Variants in HIF1AN observed in about 807,000 individuals in gnomAD.
The protein encoded by HIF1AN is hypoxia inducible factor 1 subunit alpha inhibitor.
HIF1AN carries 21 observed loss-of-function variants against 47.7 expected under a neutral mutation model. The observed-to-expected ratio is 0.44, with a 90% CI of 0.31 to 0.63. HIF1AN has a LOEUF of 0.63. Among genes scored for constraint, HIF1AN ranks in the 30% least tolerant of loss-of-function variants. HIF1AN has a pLI of 0.07. For missense variants in HIF1AN, 320 were observed against 432.7 expected, an observed-to-expected ratio of 0.74 and a Z score of 2.31; for synonymous variants, 152 against 155.9, an observed-to-expected ratio of 0.98 and a Z score of 0.18.
chr10:100,542,124 T>TA (rs1196803260), intron 3 of HIF1AN, among the ~76,000 whole-genome samples: 2 of 151,636 alleles, frequency 1.3e-5, no homozygotes, highest in Admixed American at 1.3e-4. Flanking sequence ...GGAATTTTTT[T>TA]ATTGCCAAAA....
In HIF1AN at chr10:100,549,758, T is replaced by C. The variant is rs1022255583; in HGVS notation, c.*1621T>C. The C allele has an allele frequency of 4.0e-5, 6 of 151,658 alleles. No individual in the cohort carries two copies. Among genetic ancestry groups the C allele is most frequent in the Admixed American group, 1.3e-4 (2 of 15,238 alleles). The allele number at this position is 151,658 out of a possible 1,614,324, so 9.4% of individuals were successfully genotyped here. A position where few individuals can be genotyped will look rare whatever the true frequency, so the allele number is the denominator to read the frequency against. On this transcript the variant is annotated 3_prime_UTR_variant, in exon 8 of 8. Transcript: ENST00000299163. ...AAGGTCTCTGGTTTTCTTTTCTTTT[T>C]TTTTTTTTTTGCCAAAGGTTTACTT...
At position 100,551,808 on chromosome 10, in the gene HIF1AN, A is replaced by G. The variant is rs116828611; in HGVS notation, c.*3671A>G. 7.9e-4 allele frequency: 120 copies of G among 152,290 alleles called. No homozygotes were observed. The highest frequency in any genetic ancestry group is 2.8e-3 in the African/African-American group (115 of 41,542). 9.4% of individuals were successfully genotyped at this position (152,290 alleles called of 1,614,324 possible). ...GTTGGGGAAGAAATTACATGAAGCA[A>G]CCAGAGGTTATAAGGCCACACTTGT... On this transcript the variant is annotated 3_prime_UTR_variant, in exon 8 of 8. Transcript: ENST00000299163.
chr10:100,537,119 G>T (rs2133720461), intron 2 of HIF1AN, among the ~76,000 whole-genome samples: 1 of 152,252 alleles, frequency 6.6e-6, no homozygotes, highest in South Asian at 2.1e-4. Context: ...CTTGAGTCCA[G>T]GAGTTCAAGA....
intron 6 of HIF1AN, 92 bp from the exon 7 acceptor site, chr10:100,547,048 G>A: frequency 2.1e-6 from 2 of 942,344 alleles, no homozygotes; most frequent in Non-Finnish European, 1.6e-6. Context: ...CAAGAATTGG[G>A]TTTCTTAGAA....
intron 3 of HIF1AN, among the ~76,000 whole-genome samples, chr10:100,542,132 A>G (rs1843039979): frequency 2.0e-5 from 3 of 147,744 alleles, no homozygotes; most frequent in Non-Finnish European, 4.5e-5. Context: ...TTTATTGCCA[A>G]AAAAAAAAAA....
At position 100,555,165 on chromosome 10, in the gene HIF1AN, C is replaced by G. The variant is rs1843204759; in HGVS notation, c.*7028C>G. On this transcript the variant is annotated 3_prime_UTR_variant, in exon 8 of 8. Coordinates refer to ENST00000299163, the MANE Select transcript of HIF1AN (RefSeq NM_017902.3). ...CCAGTCCAGCAGTCCAAAACAAACA[C>G]TGCTTCCCAATGCCTAAGGGTTTTG... 6.6e-6 allele frequency: 1 copy of G among 152,268 alleles called. No individual in the cohort carries two copies. Among genetic ancestry groups the G allele is most frequent in the Non-Finnish European group, 1.5e-5 (1 of 68,058 alleles). The allele number at this position is 152,268 out of a possible 1,614,324, so 9.4% of individuals were successfully genotyped here. A position where few individuals can be genotyped will look rare whatever the true frequency, so the allele number is the denominator to read the frequency against.
rs1298298491 is a variant in HIF1AN, at chr10:100,536,351, A to G, written c.178-60A>G. 4 of 1,592,476 alleles carry G rather than the reference A, an allele frequency of 2.5e-6. No individual in the cohort carries two copies. The Admixed American group carries it at 6.8e-5, about 27-fold the overall frequency. On this transcript the variant is annotated intron_variant, in intron 1 of 7. Coordinates refer to ENST00000299163, the MANE Select transcript of HIF1AN (RefSeq NM_017902.3). ...AGAAGTAGTTGGGATCATGGAGGCC[A>G]ACCCACCGGCTCCTTGGCATTACTT...
chr10:100,551,081 A>G lies in HIF1AN; in HGVS notation c.*2944A>G, dbSNP rs993771119. The G allele has an allele frequency of 2.6e-5, 4 of 152,180 alleles. No individual in the cohort carries two copies. Among genetic ancestry groups the G allele is most frequent in the African/African-American group, 9.7e-5 (4 of 41,428 alleles). The allele number at this position is 152,180 out of a possible 1,614,324, so 9.4% of individuals were successfully genotyped here. Reference sequence around the variant, plus strand: ...TCTATTCACACCAGCAGGTACAGAGAAAACTAGTGTTTTGTAAAGTCAAAT... The same window carrying G: ...TCTATTCACACCAGCAGGTACAGAGGAAACTAGTGTTTTGTAAAGTCAAAT... On this transcript the variant is annotated 3_prime_UTR_variant, in exon 8 of 8. Transcript: ENST00000299163.
chr10:100,552,487 AC>A lies in HIF1AN; in HGVS notation c.*4351del, dbSNP rs1347452182. 1.3e-5 allele frequency: 2 copies of A among 151,990 alleles called. No homozygotes were observed. Among genetic ancestry groups the A allele is most frequent in the African/African-American group, 4.8e-5 (2 of 41,248 alleles). 9.4% of individuals were successfully genotyped at this position (151,990 alleles called of 1,614,324 possible). On this transcript the variant is annotated 3_prime_UTR_variant, in exon 8 of 8. Coordinates refer to ENST00000299163, the MANE Select transcript of HIF1AN (RefSeq NM_017902.3). ...AGTCTGGCCTTTCAGCTGGTGTCTT[AC>A]TCCCCTTTGAGACCTTCAGCTGCTT...
chr10:100,559,735 A>C lies in HIF1AN; in HGVS notation c.*11598A>C, dbSNP rs915633384. Reference sequence around the variant, plus strand: ...CTGGCCTTGAATATATTTTTTAACCAAAGTAATTTATGAATATAAATTGTT... The same window carrying C: ...CTGGCCTTGAATATATTTTTTAACCCAAGTAATTTATGAATATAAATTGTT... On this transcript the variant is annotated 3_prime_UTR_variant, in exon 8 of 8. Coordinates refer to ENST00000299163, the MANE Select transcript of HIF1AN (RefSeq NM_017902.3). 6.6e-6 allele frequency: 1 copy of C among 152,170 alleles called. No individual in the cohort carries two copies. The highest frequency in any genetic ancestry group is 1.5e-5 in the Non-Finnish European group (1 of 68,028). The allele number at this position is 152,170 out of a possible 1,614,324, so 9.4% of individuals were successfully genotyped here.
rs1292834163 is a variant in HIF1AN at position 100,555,585 on chromosome 10, C to G, written c.*7448C>G. ...TACTCAGATCCTCTTGCCTCAGACC[C>G]TGGTCCCTAGCTTTGTGGGTGAAGA... On this transcript the variant is annotated 3_prime_UTR_variant, in exon 8 of 8. Transcript: ENST00000299163. 1.3e-5 allele frequency: 2 copies of G among 152,294 alleles called. No individual in the cohort carries two copies. The highest frequency in any genetic ancestry group is 2.9e-5 in the Non-Finnish European group (2 of 68,108). The allele number at this position is 152,294 out of a possible 1,614,324, so 9.4% of individuals were successfully genotyped here. A position where few individuals can be genotyped will look rare whatever the true frequency, so the allele number is the denominator to read the frequency against.
At chr10:100,541,138 GA>G (rs1308017338) in intron 3 of HIF1AN, among the ~76,000 whole-genome samples, 1 of 152,188 alleles carries the variant, frequency 6.6e-6, no homozygotes, top group Non-Finnish European at 1.5e-5. Context: ...GGAATTGCTT[GA>G]ACCCAGGCGG....
intron 3 of HIF1AN, among the ~76,000 whole-genome samples, 181 bp from the exon 4 acceptor site, chr10:100,544,770 A>G (rs1288114253): frequency 1.3e-5 from 2 of 152,196 alleles, no homozygotes; most frequent in Non-Finnish European, 1.5e-5. Context: ...TTATTACCAT[A>G]CAAGCTTAAC....
chr10:100,538,311 C>T (rs1280483917), intron 2 of HIF1AN, among the ~76,000 whole-genome samples: 4 of 152,074 alleles, frequency 2.6e-5, no homozygotes, highest in African/African-American at 7.2e-5. Flanking sequence ...CAGGTTGTGG[C>T]GACTATGGGG....
At chr10:100,536,358 C>A in intron 1 of HIF1AN, 53 bp from the exon 2 acceptor site, 3 of 1,596,458 alleles carry the variant, frequency 1.9e-6, no homozygotes, top group Non-Finnish European at 2.6e-6. Flanking sequence ...GCCAACCCAC[C>A]GGCTCCTTGG....
Position 100,545,028 on chromosome 10 carries a change from T to C in HIF1AN, c.655T>C (p.Phe219Leu). The change falls in exon 4 of 8, where the codon TTC (phenylalanine) becomes CTC (leucine). Residue 219 changes from phenylalanine to leucine, a missense_variant. This residue lies in a region of HIF1AN where 161 missense variants were observed against 272.8 expected (regional missense o/e 0.59). Coordinates refer to ENST00000299163, the MANE Select transcript of HIF1AN (RefSeq NM_017902.3). ...AAAAGGTTACAAACGATGCATCTTA[T>C]TCCCTCCGGATCAGTTCGAGTGCCT... ...QIKGYKRCIL[F>L]PPDQFECLYP... is the part of the protein sequence containing the mutation. 1.9e-6 allele frequency: 3 copies of C among 1,613,550 alleles called. No homozygotes were observed. The highest frequency in any genetic ancestry group is 2.5e-6 in the Non-Finnish European group (3 of 1,179,478).
chr10:100,536,138 G>T lies in HIF1AN; in HGVS notation c.177+3G>T. 2 of 1,588,394 alleles carry T rather than the reference G, an allele frequency of 1.3e-6. No individual in the cohort carries two copies. Among genetic ancestry groups the T allele is most frequent in the South Asian group, 2.3e-5 (2 of 88,350 alleles). On this transcript the variant is annotated splice_donor_region_variant and intron_variant, in intron 1 of 7. Coordinates refer to ENST00000299163, the MANE Select transcript of HIF1AN (RefSeq NM_017902.3). ...CAGAGGAGCTTATTGAGAATGAGGT[G>T]GGGGGCGGGGCCGCGTCTAAAGGGA... is the stretch of plus-strand genomic sequence containing the variant.
chr10:100,547,360 C>A, intron 7 of HIF1AN, 110 bp downstream of exon 7: 1 of 692,222 alleles, frequency 1.4e-6, no homozygotes, highest in Non-Finnish European at 2.6e-6. Flanking sequence ...TCCTCTCTCT[C>A]CATAGAGGTT....
rs759073446 is a variant in HIF1AN at position 100,548,107 on chromosome 10, G to A, written c.1020G>A (p.Leu340=). ...LGNPQEVGPL[L]NTMIKGRYN ...TTTCTTTACAGGTGGGGCCCTTGTT[G>A]AACACAATGATCAAGGGCCGATACA... The change falls in exon 8 of 8, where the codon TTG becomes TTA. Residue 340 remains leucine, a synonymous_variant. Coordinates refer to ENST00000299163, the MANE Select transcript of HIF1AN (RefSeq NM_017902.3). 27 of 1,613,262 alleles carry A rather than the reference G, an allele frequency of 1.7e-5. No homozygotes were observed. In the Admixed American group the frequency reaches 3.2e-4, roughly 19 times the overall value.
Sources: allele counts gnomAD v4.1 joint callset (sites outside exome capture counted in the v4.1 genomes callset), GRCh38; gene constraint gnomAD v4.1.1; regional missense constraint gnomAD v4.1.1; transcripts MANE v1.5; gene names NCBI Gene and HGNC (gene_info 2026-07-23, HGNC 2026-07-21).